CZIB: variants seen among roughly 807,000 people sequenced by gnomAD.
The protein encoded by CZIB is UPF0587 protein C1orf123.
CZIB carries 26 observed loss-of-function variants against 28.3 expected under a neutral mutation model. The observed-to-expected ratio is 0.92, with a 90% CI of 0.67 to 1.27. The LOEUF (loss-of-function observed/expected upper bound fraction) is 1.27, where lower values mean the gene tolerates loss of function less well. Ranked by LOEUF, CZIB falls within the 50% of genes most tolerant of loss-of-function variation. The pLI is 0.00. For missense variants in CZIB, 179 were observed against 197.3 expected, an observed-to-expected ratio of 0.91 and a Z score of 0.56; for synonymous variants, 78 against 71.1, an observed-to-expected ratio of 1.10 and a Z score of -0.49.
At chr1:53,215,816 C>T (rs989540157) in intron 7 of CZIB, among the ~76,000 whole-genome samples, 175 bp downstream of exon 7, 4 of 152,174 alleles carry the variant, frequency 2.6e-5, no homozygotes, top group African/African-American at 4.8e-5. Flanking sequence ...CTTTCTCATA[C>T]GTAGGAACAT....
Position 53,220,614 on chromosome 1 carries a change from C to A in CZIB, c.-39G>T, listed in dbSNP as rs1386771746. The stretch of plus-strand genomic sequence containing the variant: ...GCCCGGTGCTGGCTGCGGCCCTTGC[C>A]GTTGCTTTCCGGCGCGTCGTAAAAG... On this transcript the variant is annotated 5_prime_UTR_variant, in exon 1 of 8. Transcript: ENST00000294360. The A allele has an allele frequency of 1.3e-6, 2 of 1,591,432 alleles. No individual in the cohort carries two copies. The highest frequency in any genetic ancestry group is 1.3e-5 in the African/African-American group (1 of 74,580).
intron 3 of CZIB, 104 bp downstream of exon 3, chr1:53,218,763 A>G: frequency 8.4e-7 from 1 of 1,194,894 alleles, no homozygotes; most frequent in South Asian, 1.3e-5. Flanking sequence ...AAAAGCAGGG[A>G]GCAAAGAACT....
Position 53,214,661 on chromosome 1 carries a change from A to G in CZIB, c.481T>C (p.Ter161ArgextTer9). The change falls in exon 8 of 8, where the codon TGA (stop) becomes CGA (arginine). Residue 161 changes from the stop codon to arginine, a stop_lost. Coordinates refer to ENST00000294360, the MANE Select transcript of CZIB (RefSeq NM_017887.3). Reference sequence around the variant, plus strand: ...GGGCAACTGGGAAGGAAGAGGGATCAGCACTTCACAAACTGGTGGGTGACC... The same window carrying G: ...GGGCAACTGGGAAGGAAGAGGGATCGGCACTTCACAAACTGGTGGGTGACC... ...YEVTHQFVKC* is the reference protein window; with the variant it reads ...YEVTHQFVKCR 6.2e-7 allele frequency: 1 copy of G among 1,613,956 alleles called. No homozygotes were observed. Among genetic ancestry groups the G allele is most frequent in the Non-Finnish European group, 8.5e-7 (1 of 1,179,828 alleles).
Position 53,218,506 on chromosome 1 carries a change from G to A in CZIB, c.148-11C>T. ...CAGTGCCACACTGTCCTGGCAAAAA[G>A]CAAACAGAACTTTCAGTCACATATG... is the stretch of plus-strand genomic sequence containing the variant. On this transcript the variant is annotated splice_polypyrimidine_tract_variant and intron_variant, in intron 3 of 7. Transcript: ENST00000294360. 1.2e-6 allele frequency: 2 copies of A among 1,613,762 alleles called. No homozygotes were observed. Among genetic ancestry groups the A allele is most frequent in the Non-Finnish European group, 1.7e-6 (2 of 1,179,794 alleles).
intron 6 of CZIB, 48 bp downstream of exon 6, chr1:53,216,734 A>G: frequency 6.5e-7 from 1 of 1,541,366 alleles, no homozygotes; most frequent in Admixed American, 1.7e-5. Flanking sequence ...GTCACTTCAT[A>G]CATCCCCTCC....
In CZIB at chr1:53,214,578, G is replaced by A; in HGVS notation, c.*81C>T. 8.0e-7 allele frequency: 1 copy of A among 1,246,690 alleles called. No homozygotes were observed. The highest frequency in any genetic ancestry group is 1.2e-6 in the Non-Finnish European group (1 of 861,118). 77.2% of individuals were successfully genotyped at this position (1,246,690 alleles called of 1,614,324 possible). ...TAGCCACCAGGAGACAAGGGTCAAA[G>A]GAACGAGCCTCTGTGGGCTCTGCTG... On this transcript the variant is annotated 3_prime_UTR_variant, in exon 8 of 8. Coordinates refer to ENST00000294360, the MANE Select transcript of CZIB (RefSeq NM_017887.3).
chr1:53,219,014 T>C, intron 2 of CZIB, 91 bp from the exon 3 acceptor site: 2 of 1,078,960 alleles, frequency 1.9e-6, no homozygotes, highest in East Asian at 2.4e-5. Context: ...GGCAGGCTCA[T>C]GATCTACCTT....
intron 7 of CZIB, among the ~76,000 whole-genome samples, chr1:53,215,373 T>C (rs1645463874): frequency 6.6e-6 from 1 of 152,192 alleles, no homozygotes; most frequent in Non-Finnish European, 1.5e-5. Flanking sequence ...GCACTCAGCA[T>C]AGTGAGTGCC....
intron 6 of CZIB, 49 bp downstream of exon 6, chr1:53,216,733 T>C (rs1360409258): frequency 6.5e-7 from 1 of 1,540,536 alleles, no homozygotes; most frequent in East Asian, 2.2e-5. Context: ...TGTCACTTCA[T>C]ACATCCCCTC....
intron 5 of CZIB, chr1:53,217,542 C>T (rs779260266): frequency 6.5e-6 from 1 of 153,406 alleles, no homozygotes; most frequent in Non-Finnish European, 1.4e-5. Flanking sequence ...GCACACTGAC[C>T]ACATCTCTGG....
At chr1:53,219,094 A>C (rs142577498) in intron 2 of CZIB, 171 bp from the exon 3 acceptor site, 159 of 649,764 alleles carry the variant, frequency 2.4e-4, no homozygotes, top group African/African-American at 2.4e-3. Context: ...ATCTCTGGGC[A>C]AAGGATAGGT....
At chr1:53,214,957 C>T (rs1645460683) in intron 7 of CZIB, among the ~76,000 whole-genome samples, 2 of 152,112 alleles carry the variant, frequency 1.3e-5, no homozygotes, top group South Asian at 4.1e-4. Flanking sequence ...TCTCCGAGTC[C>T]TGTCTTCTAT....
At chr1:53,215,624 T>G (rs911544218) in intron 7 of CZIB, among the ~76,000 whole-genome samples, 1 of 152,206 alleles carries the variant, frequency 6.6e-6, no homozygotes, top group Non-Finnish European at 1.5e-5. Flanking sequence ...CAGGGTTAGG[T>G]TCCTATGAGC....
chr1:53,220,424 C>G, intron 1 of CZIB, 80 bp from the exon 2 acceptor site: 2 of 1,580,476 alleles, frequency 1.3e-6, no homozygotes, highest in South Asian at 2.2e-5. Context: ...CATTCCCAGC[C>G]GTGGGTGCCA....
rs746365411 is a variant in CZIB at position 53,220,619 on chromosome 1, C to T, written c.-44G>A. 5 of 1,590,410 alleles carry T rather than the reference C, an allele frequency of 3.1e-6. No individual in the cohort carries two copies. The highest frequency in any genetic ancestry group is 2.2e-5 in the South Asian group (2 of 90,468). On this transcript the variant is annotated 5_prime_UTR_variant, in exon 1 of 8. Coordinates refer to ENST00000294360, the MANE Select transcript of CZIB (RefSeq NM_017887.3). ...GTGCTGGCTGCGGCCCTTGCCGTTG[C>T]TTTCCGGCGCGTCGTAAAAGGCGGG...
At chr1:53,220,156 T>A in intron 2 of CZIB, 105 bp downstream of exon 2, 1 of 1,006,342 alleles carries the variant, frequency 9.9e-7, no homozygotes, top group Admixed American at 2.5e-5. Flanking sequence ...CCCGAACACT[T>A]AATGTGCCTG....
At chr1:53,216,737 T>A (rs558687363) in intron 6 of CZIB, 45 bp downstream of exon 6, 7 of 1,551,196 alleles carry the variant, frequency 4.5e-6, no homozygotes, top group Non-Finnish European at 5.3e-6. Context: ...ACTTCATACA[T>A]CCCCTCCCCA....
rs866214616 is a variant in CZIB at position 53,216,776 on chromosome 1, A to C, written c.339+6T>G. 6.2e-7 allele frequency: 1 copy of C among 1,613,630 alleles called. No individual in the cohort carries two copies. Among genetic ancestry groups the C allele is most frequent in the East Asian group, 2.2e-5 (1 of 44,866 alleles). On this transcript the variant is annotated splice_donor_region_variant and intron_variant, in intron 6 of 7. Transcript: ENST00000294360. ...ACAAAGATTCCCCAGAAAGATACAC[A>C]CACACCTGCGGCTGGAAATCAACTG... is the stretch of plus-strand genomic sequence containing the variant.
chr1:53,216,680 A>G (rs1222917133), intron 6 of CZIB, 102 bp downstream of exon 6: 2 of 1,055,126 alleles, frequency 1.9e-6, no homozygotes, highest in African/African-American at 3.1e-5. Context: ...GCTAGAAAGG[A>G]GAATGTCTAG....
Sources: allele counts gnomAD v4.1 joint callset (sites outside exome capture counted in the v4.1 genomes callset), GRCh38; gene constraint gnomAD v4.1.1; transcripts MANE v1.5; gene names NCBI Gene and HGNC (gene_info 2026-07-23, HGNC 2026-07-21).